The following PCDH9 variants were observed in gnomAD, a reference collection of about 807,000 sequenced individuals.
PCDH9 encodes the protein protocadherin-9.
In PCDH9, 24 loss-of-function variants were observed where a neutral mutation model predicts 70.6. The observed-to-expected ratio is 0.34, with a 90% CI of 0.25 to 0.48. PCDH9 has a LOEUF of 0.48. Ranked by LOEUF, PCDH9 falls within the 20% of genes least tolerant of loss-of-function variation. The pLI is 0.99. For missense variants in PCDH9, 1,281 were observed against 1,503.6 expected (o/e 0.85, Z 2.45); for synonymous variants, 562 against 558.5 (o/e 1.01, Z -0.09).
intron 3 of PCDH9, among the ~76,000 whole-genome samples, chr13:66,823,271 A>G (rs940476509): frequency 6.6e-6 from 1 of 152,022 alleles, no homozygotes; most frequent in African/African-American, 2.4e-5. Context: ...TAAATATTAA[A>G]GTGTAAGAAT....
intron 4 of PCDH9, among the ~76,000 whole-genome samples, chr13:66,519,165 C>T (rs111998355): frequency 0.015 from 2,288 of 152,204 alleles, 28 homozygotes; most frequent in Non-Finnish European, 0.021. Flanking sequence ...AGTGCTTTGA[C>T]ATCCTATTCT....
intron 3 of PCDH9, among the ~76,000 whole-genome samples, chr13:66,759,478 C>T (rs2079588391): frequency 1.3e-5 from 2 of 152,148 alleles, no homozygotes. Context: ...AATCTATTTA[C>T]ATTAAATCTA....
At chr13:66,357,663 T>C (rs1956406592) in intron 4 of PCDH9, among the ~76,000 whole-genome samples, 1 of 152,056 alleles carries the variant, frequency 6.6e-6, no homozygotes, top group African/African-American at 2.4e-5. Flanking sequence ...AATTTATTTC[T>C]CTCAGATGTC....
At chr13:66,577,543 A>T (rs2076831975) in intron 4 of PCDH9, among the ~76,000 whole-genome samples, 2 of 151,990 alleles carry the variant, frequency 1.3e-5, no homozygotes, top group Non-Finnish European at 2.9e-5. Flanking sequence ...GAGATTAGTC[A>T]TTGTCCCTCG....
intron 4 of PCDH9, among the ~76,000 whole-genome samples, chr13:66,501,235 T>C (rs117610027): frequency 0.083 from 12,676 of 152,190 alleles, 680 homozygotes; most frequent in Middle Eastern, 0.12. Context: ...GTCAAGTTCT[T>C]GCACTGCTTT....
intron 4 of PCDH9, among the ~76,000 whole-genome samples, chr13:66,614,519 TTC>T (rs1195257323): frequency 6.6e-6 from 1 of 152,228 alleles, no homozygotes; most frequent in East Asian, 1.9e-4. Flanking sequence ...TAATCTGGAA[TTC>T]TGTTTCATAA....
chr13:66,522,091 A>G (rs190280474), intron 4 of PCDH9, among the ~76,000 whole-genome samples: 2 of 149,486 alleles, frequency 1.3e-5, no homozygotes, highest in African/African-American at 4.9e-5. Flanking sequence ...CATATATTAC[A>G]TAAGGCAGTC....
intron 2 of PCDH9, among the ~76,000 whole-genome samples, chr13:67,088,977 A>G (rs2086163366): frequency 6.6e-6 from 1 of 152,038 alleles, no homozygotes; most frequent in African/African-American, 2.4e-5. Context: ...AGAATTTGAA[A>G]GCATATAAAC....
chr13:66,583,026 C>A (rs186826215), intron 4 of PCDH9, among the ~76,000 whole-genome samples: 1 of 151,536 alleles, frequency 6.6e-6, no homozygotes, highest in Admixed American at 6.6e-5. Flanking sequence ...TCTTTTAGAC[C>A]TCATTTACAT....
At chr13:66,700,086 G>A (rs1271769134) in intron 3 of PCDH9, among the ~76,000 whole-genome samples, 1 of 152,056 alleles carries the variant, frequency 6.6e-6, no homozygotes, top group Non-Finnish European at 1.5e-5. Context: ...TGTTGTTAGG[G>A]CCCTTTGGCT....
intron 2 of PCDH9, among the ~76,000 whole-genome samples, chr13:67,020,315 T>G (rs997095844): frequency 1.2e-4 from 18 of 152,194 alleles, no homozygotes; most frequent in Admixed American, 1.2e-3. Flanking sequence ...TGTCCCCTCC[T>G]ACCAACCATT....
intron 2 of PCDH9, among the ~76,000 whole-genome samples, chr13:67,183,812 G>T (rs951667616): frequency 6.6e-6 from 1 of 151,992 alleles, no homozygotes; most frequent in African/African-American, 2.4e-5. Flanking sequence ...TTGAATTTTT[G>T]CATGAAATTT....
At chr13:66,396,594 T>G (rs1315758752) in intron 4 of PCDH9, among the ~76,000 whole-genome samples, 3 of 152,186 alleles carry the variant, frequency 2.0e-5, no homozygotes, top group African/African-American at 4.8e-5. Context: ...GACAGACAGA[T>G]AGATAGACAA....
chr13:66,397,334 G>A (rs1021952155), intron 4 of PCDH9, among the ~76,000 whole-genome samples: 1 of 151,954 alleles, frequency 6.6e-6, no homozygotes, highest in Non-Finnish European at 1.5e-5. Context: ...TGGGAGGATT[G>A]CTTAAGTTCA....
intron 3 of PCDH9, among the ~76,000 whole-genome samples, chr13:66,883,894 G>T (rs990425284): frequency 7.0e-5 from 10 of 142,660 alleles, no homozygotes; most frequent in African/African-American, 2.5e-4. Flanking sequence ...CATCTTGAGC[G>T]TTCATTTTTT....
chr13:66,414,943 T>A (rs905233684), intron 4 of PCDH9, among the ~76,000 whole-genome samples: 12 of 152,012 alleles, frequency 7.9e-5, no homozygotes, highest in African/African-American at 2.9e-4. Flanking sequence ...TCTGAAAGCG[T>A]AAAAATAATG....
At chr13:66,466,341 C>T (rs1958513958) in intron 4 of PCDH9, among the ~76,000 whole-genome samples, 1 of 152,100 alleles carries the variant, frequency 6.6e-6, no homozygotes, top group South Asian at 2.1e-4. Context: ...CCTCTCACTT[C>T]TCCCATTTCA....
chr13:66,478,637 CT>C, intron 4 of PCDH9, among the ~76,000 whole-genome samples: 1 of 152,292 alleles, frequency 6.6e-6, no homozygotes, highest in East Asian at 1.9e-4. Flanking sequence ...CTGGCCACAA[CT>C]TTTCTTTAAG....
chr13:66,999,304 T>G (rs1193564934), intron 2 of PCDH9, among the ~76,000 whole-genome samples: 1 of 152,034 alleles, frequency 6.6e-6, no homozygotes, highest in South Asian at 2.1e-4. Flanking sequence ...ATATTGATAA[T>G]AGATGACAGT....
Sources: gnomAD v4.1 joint callset for allele counts (sites outside exome capture counted in the v4.1 genomes callset) on GRCh38, gnomAD v4.1.1 for gene constraint, MANE v1.5 for transcripts, NCBI Gene and HGNC (gene_info 2026-07-23, HGNC 2026-07-21) for gene names.